The following RC3H1 variants were observed in gnomAD, a reference collection of about 807,000 sequenced individuals.
RC3H1 encodes the protein roquin-1.
In RC3H1, 50 loss-of-function variants were observed where a neutral mutation model predicts 138.2. That is an observed-to-expected ratio of 0.36 (90% confidence interval 0.29 to 0.46). The LOEUF is 0.46. Ranked by LOEUF, RC3H1 falls within the 20% of genes least tolerant of loss-of-function variation. The pLI, the probability that RC3H1 is intolerant of heterozygous loss-of-function variation, is 1.00. For missense variants in RC3H1, 1,031 were observed against 1,388.1 expected, an observed-to-expected ratio of 0.74 and a Z score of 4.09; for synonymous variants, 462 against 489.1, an observed-to-expected ratio of 0.94 and a Z score of 0.73.
chr1:173,972,448 A>T, intron 8 of RC3H1, 61 bp downstream of exon 8: 1 of 1,124,640 alleles, frequency 8.9e-7, no homozygotes, highest in Non-Finnish European at 1.4e-6. Flanking sequence ...ACAGTGGTTT[A>T]CCTATAGTTT....
chr1:174,018,753 G>A (rs531926121), intron 1 of RC3H1, among the ~76,000 whole-genome samples: 1 of 152,232 alleles, frequency 6.6e-6, no homozygotes, highest in East Asian at 1.9e-4. Flanking sequence ...GCACAGACGG[G>A]GCCAAAGCTA....
At chr1:173,967,231 G>C (rs1660159955) in intron 9 of RC3H1, among the ~76,000 whole-genome samples, 1 of 152,090 alleles carries the variant, frequency 6.6e-6, no homozygotes, top group Non-Finnish European at 1.5e-5. Context: ...TGAGGTGAGA[G>C]GATCATTGGA....
intron 3 of RC3H1, 95 bp downstream of exon 3, chr1:173,984,404 T>G (rs1660940030): frequency 1.7e-6 from 2 of 1,197,680 alleles, no homozygotes; most frequent in East Asian, 5.0e-5. Flanking sequence ...TCTAGTTAGG[T>G]TTTTTGGGAA....
rs1658478692 is a variant in RC3H1, at chr1:173,933,846, T to C, written c.*4875A>G. On this transcript the variant is annotated 3_prime_UTR_variant, in exon 20 of 20. Coordinates refer to ENST00000367696, the MANE Select transcript of RC3H1 (RefSeq NM_172071.4). ...ATTTGCTTTAGTTTAGTAGGTCTAATTTTTCTTAAAAGGATAGGCAGATTT... is the reference window on the plus strand; with the variant it reads ...ATTTGCTTTAGTTTAGTAGGTCTAACTTTTCTTAAAAGGATAGGCAGATTT... The C allele has an allele frequency of 6.6e-6, 1 of 152,160 alleles. No individual in the cohort carries two copies. The highest frequency in any genetic ancestry group is 1.5e-5 in the Non-Finnish European group (1 of 68,012). The allele number at this position is 152,160 out of a possible 1,614,324, so 9.4% of individuals were successfully genotyped here.
intron 13 of RC3H1, among the ~76,000 whole-genome samples, chr1:173,953,289 T>A (rs961563523): frequency 3.3e-5 from 5 of 152,158 alleles, no homozygotes; most frequent in African/African-American, 1.2e-4. Flanking sequence ...CTCCTTTTTT[T>A]TGAGATGGTG....
At chr1:173,985,720 C>G (rs1004746019) in intron 2 of RC3H1, among the ~76,000 whole-genome samples, 2 of 152,054 alleles carry the variant, frequency 1.3e-5, no homozygotes, top group Non-Finnish European at 2.9e-5. Context: ...CAATAGATCA[C>G]TAAAGGCATT....
intron 8 of RC3H1, among the ~76,000 whole-genome samples, chr1:173,971,049 C>G (rs1660337331): frequency 6.6e-6 from 1 of 151,316 alleles, no homozygotes; most frequent in East Asian, 1.9e-4. Flanking sequence ...GCAACTTCCA[C>G]CTCCCCGGCT....
intron 14 of RC3H1, among the ~76,000 whole-genome samples, chr1:173,951,770 A>G (rs556749454): frequency 2.0e-4 from 30 of 152,326 alleles, no homozygotes; most frequent in Middle Eastern, 3.4e-3. Context: ...ACAGAAATAT[A>G]ATAAATGCTC....
Position 173,961,178 on chromosome 1 carries a change from G to A in RC3H1, c.2269C>T (p.Arg757Ter), listed in dbSNP as rs774197081. The stretch of plus-strand genomic sequence containing the variant: ...AGCTGGGCCATTATTTCCTTTCGTC[G>A]GCGATGTAGTTCATCTAGACTAGGA... ...PHPSLDELHR[R>*]RKEIMAQLEE... The change falls in exon 13 of 20, where the codon CGA becomes TGA. Residue 757 changes from arginine (R) to a stop codon, truncating the protein, a stop_gained. Coordinates refer to ENST00000367696, the MANE Select transcript of RC3H1 (RefSeq NM_172071.4). LOFTEE classifies it high-confidence loss of function. 3 of 1,613,952 alleles carry A rather than the reference G, an allele frequency of 1.9e-6. No homozygotes were observed. Among genetic ancestry groups the A allele is most frequent in the African/African-American group, 1.3e-5 (1 of 74,880 alleles).
chr1:173,960,302 A>G (rs1477846084), intron 13 of RC3H1, among the ~76,000 whole-genome samples: 5 of 151,978 alleles, frequency 3.3e-5, no homozygotes, highest in Non-Finnish European at 5.9e-5. Context: ...AAAAATAAAT[A>G]AATAAAAATA....
At chr1:173,994,017 T>C (rs1244289997) in intron 1 of RC3H1, among the ~76,000 whole-genome samples, 3 of 80,072 alleles carry the variant, frequency 3.7e-5, no homozygotes, top group Admixed American at 3.5e-4. Flanking sequence ...TGAAACTCCA[T>C]CTCAGAAAAA....
intron 7 of RC3H1, among the ~76,000 whole-genome samples, chr1:173,977,534 T>C (rs535454031): frequency 6.6e-6 from 1 of 152,150 alleles, no homozygotes; most frequent in East Asian, 1.9e-4. Context: ...AATGATGAGC[T>C]TGCTTTGAAG....
chr1:173,998,099 AT>A (rs1661498580), intron 1 of RC3H1, among the ~76,000 whole-genome samples: 1 of 152,158 alleles, frequency 6.6e-6, no homozygotes, highest in Admixed American at 6.5e-5. Flanking sequence ...CAACATCCAG[AT>A]TTTTTGAACT....
At chr1:173,969,138 G>A (rs1168445536) in intron 9 of RC3H1, among the ~76,000 whole-genome samples, 4 of 151,690 alleles carry the variant, frequency 2.6e-5, no homozygotes, top group Admixed American at 6.6e-5. Flanking sequence ...AGCCACCGGC[G>A]CCTGGCTGGA....
Position 173,932,097 on chromosome 1 carries a change from C to T in RC3H1, c.*6624G>A, listed in dbSNP as rs1658403904. Reference sequence around the variant, plus strand: ...TACAACCTGACTCAAATCTCATGGGCTCCTTTATTAACCAAGATTATTTTT... The same window carrying T: ...TACAACCTGACTCAAATCTCATGGGTTCCTTTATTAACCAAGATTATTTTT... On this transcript the variant is annotated 3_prime_UTR_variant, in exon 20 of 20. Coordinates refer to ENST00000367696, the MANE Select transcript of RC3H1 (RefSeq NM_172071.4). 1 of 152,044 alleles carries T rather than the reference C, an allele frequency of 6.6e-6. No homozygotes were observed. Among genetic ancestry groups the T allele is most frequent in the Non-Finnish European group, 1.5e-5 (1 of 67,978 alleles). The allele number at this position is 152,044 out of a possible 1,614,324, so 9.4% of individuals were successfully genotyped here. A position where few individuals can be genotyped will look rare whatever the true frequency, so the allele number is the denominator to read the frequency against.
intron 7 of RC3H1, among the ~76,000 whole-genome samples, chr1:173,977,432 A>G (rs1660634991): frequency 6.6e-6 from 1 of 152,262 alleles, no homozygotes. Flanking sequence ...AGATGAGACA[A>G]GACAAAACAT....
intron 1 of RC3H1, chr1:174,009,362 C>G (rs1661710121): frequency 6.6e-6 from 1 of 152,166 alleles, no homozygotes; most frequent in Non-Finnish European, 1.5e-5. Flanking sequence ...CCCTGATCAC[C>G]TTATTTCAAA....
intron 14 of RC3H1, among the ~76,000 whole-genome samples, chr1:173,947,927 T>C (rs536181104): frequency 7.9e-5 from 12 of 152,102 alleles, no homozygotes; most frequent in African/African-American, 2.9e-4. Flanking sequence ...TGATTATTTA[T>C]AGAGATGAGG....
In RC3H1 at chr1:173,947,368, C is replaced by A; in HGVS notation, c.2737+1G>T. Reference sequence around the variant, plus strand: ...GGTCAGCTTACCTCTGAGATTCTTACCTGAAATGTTAATAGATTTTGTAGG... The same window carrying A: ...GGTCAGCTTACCTCTGAGATTCTTAACTGAAATGTTAATAGATTTTGTAGG... On this transcript the variant is annotated splice_donor_variant, in intron 15 of 19. Coordinates refer to ENST00000367696, the MANE Select transcript of RC3H1 (RefSeq NM_172071.4). LOFTEE classifies it high-confidence loss of function. 1.4e-5 allele frequency: 23 copies of A among 1,607,010 alleles called. No homozygotes were observed. The highest frequency in any genetic ancestry group is 3.3e-5 in the Admixed American group (2 of 60,006).
Sources: allele counts gnomAD v4.1 joint callset (sites outside exome capture counted in the v4.1 genomes callset), GRCh38; gene constraint gnomAD v4.1.1; transcripts MANE v1.5; gene names NCBI Gene and HGNC (gene_info 2026-07-23, HGNC 2026-07-21).